The following BABAM2 variants were observed in gnomAD, a reference collection of about 807,000 sequenced individuals.
BABAM2 encodes the protein BRISC and BRCA1-A complex member 2.
Under a neutral mutation model 54.7 loss-of-function variants are expected in BABAM2, and 31 were observed. That is an observed-to-expected ratio of 0.57 (90% confidence interval 0.43 to 0.77). The LOEUF (loss-of-function observed/expected upper bound fraction) is 0.77, where lower values mean the gene tolerates loss of function less well. BABAM2 is among the 30% of genes least tolerant of loss of function. The pLI is 0.00. For synonymous variants in BABAM2, 167 were observed against 162.9 expected (o/e 1.03, Z -0.19); for missense variants, 364 against 455.8 (o/e 0.80, Z 1.83).
chr2:28,282,583 G>A (rs929370985), intron 10 of BABAM2, among the ~76,000 whole-genome samples: 8 of 152,296 alleles, frequency 5.3e-5, no homozygotes, highest in Middle Eastern at 6.8e-3. Flanking sequence ...AAGTTCTCTG[G>A]CTTGCCCAAA....
intron 10 of BABAM2, among the ~76,000 whole-genome samples, chr2:28,271,599 AT>A (rs1299602017): frequency 6.6e-6 from 1 of 152,210 alleles, no homozygotes; most frequent in Non-Finnish European, 1.5e-5. Flanking sequence ...CCATTGACAT[AT>A]TAAACCAGAG....
intron 2 of BABAM2, among the ~76,000 whole-genome samples, chr2:27,921,401 A>T (rs1442865698): frequency 6.6e-6 from 1 of 152,218 alleles, no homozygotes; most frequent in African/African-American, 2.4e-5. Context: ...ACCAATTATG[A>T]GATTTATAGT....
rs1409369783 is a variant in BABAM2 at position 28,109,735 on chromosome 2, G to C, written c.571-19536G>C. On this transcript the variant is annotated intron_variant, in intron 6 of 11. Transcript: ENST00000379624. ...TCTGGCTCATCCGGGGTATATGGAC[G>C]TGACCAGTATGAAAAGTATTTGAGA... Among the ~76,000 whole-genome samples the C allele has an allele frequency of 3.3e-5, 5 of 152,256 alleles. No individual in the cohort carries two copies. In the East Asian group the frequency reaches 9.7e-4, roughly 29 times the overall value.
intron 10 of BABAM2, among the ~76,000 whole-genome samples, chr2:28,284,682 G>A (rs1686649799): frequency 6.6e-6 from 1 of 152,140 alleles, no homozygotes; most frequent in Non-Finnish European, 1.5e-5. Flanking sequence ...AAAGGACTCT[G>A]AATTTACCTC....
At chr2:28,182,789 A>C (rs139040970) in intron 7 of BABAM2, among the ~76,000 whole-genome samples, 2,007 of 152,378 alleles carry the variant, frequency 0.013, 29 homozygotes, top group South Asian at 0.05. Context: ...GTTTATTTTC[A>C]ACTGTTACTG....
chr2:28,287,954 G>T (rs1439875196), intron 10 of BABAM2, among the ~76,000 whole-genome samples: 1 of 152,108 alleles, frequency 6.6e-6, no homozygotes, highest in Non-Finnish European at 1.5e-5. Flanking sequence ...TGAAGCAGAG[G>T]GACAGAGAAG....
chr2:28,049,559 G>A (rs1677850826), intron 6 of BABAM2, among the ~76,000 whole-genome samples: 1 of 151,616 alleles, frequency 6.6e-6, no homozygotes, highest in Admixed American at 6.6e-5. Flanking sequence ...TAGAAATTTA[G>A]TTCTACTGTG....
intron 4 of BABAM2, among the ~76,000 whole-genome samples, chr2:28,017,238 T>C (rs1674897381): frequency 6.6e-6 from 1 of 152,236 alleles, no homozygotes; most frequent in South Asian, 2.1e-4. Flanking sequence ...CTTGGTCCTC[T>C]TACAAATAGG....
chr2:28,184,050 A>G (rs1185482200), intron 7 of BABAM2, among the ~76,000 whole-genome samples: 2 of 152,190 alleles, frequency 1.3e-5, no homozygotes, highest in Non-Finnish European at 2.9e-5. Flanking sequence ...ATAGGAGATA[A>G]GTACACACTT....
At position 27,998,051 on chromosome 2, in the gene BABAM2, G is replaced by T. The variant is rs1388916412; in HGVS notation, c.300+9964G>T. ...ACCTGTAATGCCAGCTACTCAGGAG[G>T]CTGAGGGAGGAGAATCGTTTGAACC... On this transcript the variant is annotated intron_variant, in intron 4 of 11. Coordinates refer to ENST00000379624, the MANE Select transcript of BABAM2 (RefSeq NM_199191.3). 2.0e-5 allele frequency among the ~76,000 whole-genome samples: 3 copies of T among 152,094 alleles called. No individual in the cohort carries two copies. The East Asian group carries it at 5.8e-4, about 29-fold the overall frequency.
chr2:27,992,099 C>T (rs529237798), intron 4 of BABAM2, among the ~76,000 whole-genome samples: 5 of 152,202 alleles, frequency 3.3e-5, no homozygotes, highest in African/African-American at 1.2e-4. Flanking sequence ...TGGTATCGCA[C>T]TGTAGTTTTG....
Position 28,136,693 on chromosome 2 carries a change from T to G in BABAM2, c.680+7313T>G, listed in dbSNP as rs188802000. On this transcript the variant is annotated intron_variant, in intron 7 of 11. Coordinates refer to ENST00000379624, the MANE Select transcript of BABAM2 (RefSeq NM_199191.3). ...TGACTTTGATCTTCTGTGACCTATGTGACCTAATATAGTCCTGTTGGCGTC... is the reference window on the plus strand; with the variant it reads ...TGACTTTGATCTTCTGTGACCTATGGGACCTAATATAGTCCTGTTGGCGTC... Among the ~76,000 whole-genome samples the G allele has an allele frequency of 2.1e-3, 323 of 152,316 alleles. 2 individuals are homozygous for G. The highest frequency in any genetic ancestry group is 4.0e-3 in the Non-Finnish European group (270 of 68,030).
rs533279803 is a variant in BABAM2 at position 28,250,662 on chromosome 2, C to T, written c.934+5800C>T. Among the ~76,000 whole-genome samples, 5 of 150,158 alleles carry T rather than the reference C, an allele frequency of 3.3e-5. No homozygotes were observed. In the South Asian group the frequency reaches 8.4e-4, roughly 25 times the overall value. On this transcript the variant is annotated intron_variant, in intron 10 of 11. Coordinates refer to ENST00000379624, the MANE Select transcript of BABAM2 (RefSeq NM_199191.3). Reference sequence around the variant, plus strand: ...TCGCCCAGGCTGGAGTGCAGTGGCACGATCTCAGCTCACAGCAACCTCCGC... The same window carrying T: ...TCGCCCAGGCTGGAGTGCAGTGGCATGATCTCAGCTCACAGCAACCTCCGC...
chr2:28,131,763 G>C (rs529368768), intron 7 of BABAM2, among the ~76,000 whole-genome samples: 2 of 152,162 alleles, frequency 1.3e-5, no homozygotes, highest in Non-Finnish European at 2.9e-5. Flanking sequence ...AAAAGGAGAG[G>C]ATGGGTAAAT....
At chr2:28,099,301 T>A (rs1489399522) in intron 6 of BABAM2, among the ~76,000 whole-genome samples, 2 of 152,178 alleles carry the variant, frequency 1.3e-5, no homozygotes, top group Non-Finnish European at 2.9e-5. Flanking sequence ...ATTGAGTTTC[T>A]GTGCCCAGAA....
intron 3 of BABAM2, among the ~76,000 whole-genome samples, chr2:27,933,255 A>G (rs1011256944): frequency 1.3e-5 from 2 of 152,252 alleles, no homozygotes; most frequent in African/African-American, 2.4e-5. Context: ...GGATATCGTC[A>G]TTATACATTG....
At chr2:28,213,184 G>A (rs1038795675) in intron 7 of BABAM2, among the ~76,000 whole-genome samples, 1 of 151,822 alleles carries the variant, frequency 6.6e-6, no homozygotes, top group African/African-American at 2.4e-5. Flanking sequence ...CCCAGATCAT[G>A]CTACTGGACT....
chr2:27,945,092 CA>C (rs1669200153), intron 3 of BABAM2, among the ~76,000 whole-genome samples: 1 of 151,934 alleles, frequency 6.6e-6, no homozygotes, highest in Admixed American at 6.6e-5. Flanking sequence ...AATCATAGCT[CA>C]CTGCAACCTT....
rs186257400 is a variant in BABAM2 at position 28,194,417 on chromosome 2, C to T, written c.681-42785C>T. ...CTAGGCAAGATTTTCTTGGATAGAA[C>T]TTAGCTTATGGCAACCAAACTGACT... On this transcript the variant is annotated intron_variant, in intron 7 of 11. Transcript: ENST00000379624. Among the ~76,000 whole-genome samples, 17 of 152,174 alleles carry T rather than the reference C, an allele frequency of 1.1e-4. No homozygotes were observed. In the East Asian group the frequency reaches 3.1e-3, roughly 28 times the overall value.
Sources: allele counts gnomAD v4.1 joint callset (sites outside exome capture counted in the v4.1 genomes callset), GRCh38; gene constraint gnomAD v4.1.1; transcripts MANE v1.5; gene names NCBI Gene and HGNC (gene_info 2026-07-23, HGNC 2026-07-21).